The following HDAC11 variants were observed in gnomAD, a reference collection of about 807,000 sequenced individuals.
HDAC11 encodes the protein histone deacetylase 11.
A neutral mutation model predicts 41.1 loss-of-function variants in HDAC11; 23 were observed. The observed-to-expected ratio is 0.56, with a 90% confidence interval of 0.40 to 0.79. The LOEUF (loss-of-function observed/expected upper bound fraction) is 0.79. Ranked by LOEUF, HDAC11 falls within the 30% of genes least tolerant of loss-of-function variation. The pLI is 0.00. For missense variants in HDAC11, 402 were observed against 477.3 expected, an observed-to-expected ratio of 0.84 and a Z score of 1.47; for synonymous variants, 187 against 186.6, an observed-to-expected ratio of 1.00 and a Z score of -0.02.
chr3:13,501,002 G>A (rs535683038), intron 6 of HDAC11, among the ~76,000 whole-genome samples: 1 of 152,320 alleles, frequency 6.6e-6, no homozygotes, highest in East Asian at 1.9e-4. Context: ...TGCCTGTGGT[G>A]GAAGGGAGTT....
chr3:13,490,345 A>T (rs375249479), intron 3 of HDAC11, among the ~76,000 whole-genome samples: 1 of 152,114 alleles, frequency 6.6e-6, no homozygotes, highest in Non-Finnish European at 1.5e-5. Context: ...TTGAGATTCC[A>T]TGTGAATTAT....
chr3:13,494,931 C>T (rs1321021245), intron 3 of HDAC11, among the ~76,000 whole-genome samples: 2 of 152,100 alleles, frequency 1.3e-5, no homozygotes, highest in Non-Finnish European at 2.9e-5. Context: ...CCTCTTGGCC[C>T]TCTGAGGTTC....
intron 4 of HDAC11, 30 bp from the exon 5 acceptor site, chr3:13,498,483 C>T (rs750309603): frequency 2.2e-5 from 35 of 1,613,690 alleles, no homozygotes; most frequent in Admixed American, 5.0e-5. Flanking sequence ...CGGCTGCCTG[C>T]GCCCCCTCAC....
chr3:13,496,673 A>G lies in HDAC11; in HGVS notation c.253-63A>G, dbSNP rs569535783. 92 of 1,110,248 alleles carry G rather than the reference A, an allele frequency of 8.3e-5. No individual in the cohort carries two copies. In the Admixed American group the frequency reaches 1.0e-3, roughly 12 times the overall value. 68.8% of individuals were successfully genotyped at this position (1,110,248 alleles called of 1,614,324 possible). A position where few individuals can be genotyped will look rare whatever the true frequency, so the allele number is the denominator to read the frequency against. On this transcript the variant is annotated intron_variant, in intron 3 of 9. Transcript: ENST00000295757. ...CCTCAAGGCATTTCCCGGGGAACCA[A>G]TTTCTCACGGGTTGCCTCAGGGTGG...
chr3:13,483,737 A>C (rs1021167216), intron 3 of HDAC11, among the ~76,000 whole-genome samples, 173 bp downstream of exon 3: 2 of 151,940 alleles, frequency 1.3e-5, no homozygotes, highest in African/African-American at 4.8e-5. Flanking sequence ...AGAAGGAGAG[A>C]GGTCATAAAA....
At chr3:13,481,011 G>C (rs939812878) in intron 1 of HDAC11, 33 of 556,962 alleles carry the variant, frequency 5.9e-5, no homozygotes, top group African/African-American at 5.9e-4. Context: ...TCTGCTCTCT[G>C]AGCCTCTGGT....
intron 3 of HDAC11, among the ~76,000 whole-genome samples, chr3:13,486,569 G>GGGT (rs1701589600): frequency 1.4e-4 from 17 of 123,544 alleles, no homozygotes; most frequent in African/African-American, 6.0e-4. Flanking sequence ...TCATGTAGAG[G>GGGT]TGTTTTTTTT....
chr3:13,482,508 C>G (rs564546513), intron 2 of HDAC11, among the ~76,000 whole-genome samples: 2 of 152,206 alleles, frequency 1.3e-5, no homozygotes, highest in South Asian at 4.2e-4. Context: ...GGAGGCCGGG[C>G]GCAGTGGCTC....
intron 3 of HDAC11, among the ~76,000 whole-genome samples, chr3:13,492,198 C>T (rs1701896036): frequency 6.6e-6 from 1 of 152,214 alleles, no homozygotes; most frequent in East Asian, 1.9e-4. Context: ...GTGAATGTCA[C>T]CACAGGGTTG....
At chr3:13,498,645 A>C in intron 5 of HDAC11, 90 bp downstream of exon 5, 1 of 1,318,914 alleles carries the variant, frequency 7.6e-7, no homozygotes, top group South Asian at 1.2e-5. Context: ...AGGATCCTGG[A>C]GGTGGCAGCT....
intron 3 of HDAC11, among the ~76,000 whole-genome samples, chr3:13,484,978 C>G (rs982891084): frequency 6.6e-6 from 1 of 152,180 alleles, no homozygotes; most frequent in East Asian, 1.9e-4. Context: ...AGCCCTGACC[C>G]CCAGGCTCCC....
Position 13,504,448 on chromosome 3 carries a change from CCCT to C in HDAC11, c.829-15_829-13del, listed in dbSNP as rs765453256. ...ATGGGGGTCTGGCCTGCCTGAGTCA[CCCT>C]CCTCTTCCCCTAACAGGGCATCGTG... On this transcript the variant is annotated splice_polypyrimidine_tract_variant and intron_variant, in intron 9 of 9. Coordinates refer to ENST00000295757, the MANE Select transcript of HDAC11 (RefSeq NM_024827.4). 2 of 1,612,280 alleles carry C rather than the reference CCCT, an allele frequency of 1.2e-6. No individual in the cohort carries two copies. The highest frequency in any genetic ancestry group is 2.2e-5 in the South Asian group (2 of 91,068).
chr3:13,483,927 G>GTC (rs1701440046), intron 3 of HDAC11, among the ~76,000 whole-genome samples: 1 of 151,838 alleles, frequency 6.6e-6, no homozygotes, highest in Non-Finnish European at 1.5e-5. Context: ...TTTCACTTTG[G>GTC]TCTATTTTGT....
At chr3:13,486,510 C>G (rs1348325399) in intron 3 of HDAC11, among the ~76,000 whole-genome samples, 1 of 147,052 alleles carries the variant, frequency 6.8e-6, no homozygotes, top group Non-Finnish European at 1.5e-5. Flanking sequence ...GAGGGCCTCA[C>G]AGAGGAGGTG....
intron 4 of HDAC11, among the ~76,000 whole-genome samples, chr3:13,497,692 A>G (rs1375203006): frequency 2.0e-5 from 3 of 152,112 alleles, no homozygotes; most frequent in Non-Finnish European, 4.4e-5. Flanking sequence ...ATGTATGAGG[A>G]TCTAACCCAG....
chr3:13,496,801 G>C lies in HDAC11; in HGVS notation c.318G>C (p.Val106=), dbSNP rs1180639038. 2 of 1,604,092 alleles carry C rather than the reference G, an allele frequency of 1.2e-6. No individual in the cohort carries two copies. Among genetic ancestry groups the C allele is most frequent in the Admixed American group, 1.7e-5 (1 of 59,212 alleles). The change falls in exon 4 of 10, where the codon GTG becomes GTC. Residue 106 remains valine, a synonymous_variant. Coordinates refer to ENST00000295757, the MANE Select transcript of HDAC11 (RefSeq NM_024827.4). ...TTATCTTCCTCCCCAACTTCCTTGT[G>C]CAGAGGAAGGTGCTGAGGCCCCTTC... ...PPVIFLPNFL[V]QRKVLRPLRT...
chr3:13,502,469 C>G lies in HDAC11; in HGVS notation c.553-415C>G, dbSNP rs1702416443. The G allele has an allele frequency of 5.2e-6, 1 of 191,276 alleles. No homozygotes were observed. Among genetic ancestry groups the G allele is most frequent in the African/African-American group, 2.3e-5 (1 of 42,594 alleles). 11.8% of individuals were successfully genotyped at this position (191,276 alleles called of 1,614,324 possible). ...GGACCCAGTGGGCTCCGGAAGGCACCCCCCTGCACCATTACTGCTGTGGCT... is the reference window on the plus strand; with the variant it reads ...GGACCCAGTGGGCTCCGGAAGGCACGCCCCTGCACCATTACTGCTGTGGCT... On this transcript the variant is annotated intron_variant, in intron 7 of 9. Coordinates refer to ENST00000295757, the MANE Select transcript of HDAC11 (RefSeq NM_024827.4). This position sits in a 1 kb window ranked among gnomAD's most constrained non-coding sequence, Gnocchi z 4.1.
intron 4 of HDAC11, among the ~76,000 whole-genome samples, 163 bp from the exon 5 acceptor site, chr3:13,498,350 C>G (rs75944917): frequency 0.15 from 23,266 of 152,170 alleles, 2,209 homozygotes; most frequent in African/African-American, 0.27. Flanking sequence ...TGGACTGTTG[C>G]TTGGGGTAGG....
intron 3 of HDAC11, among the ~76,000 whole-genome samples, chr3:13,493,367 G>A (rs566323459): frequency 6.6e-6 from 1 of 152,150 alleles, no homozygotes; most frequent in Non-Finnish European, 1.5e-5. Flanking sequence ...CACCCACTCT[G>A]TTTATTTCTC....
Sources: allele counts gnomAD v4.1 joint callset (sites outside exome capture counted in the v4.1 genomes callset), GRCh38; gene constraint gnomAD v4.1.1; non-coding constraint Gnocchi (gnomAD v3.1); transcripts MANE v1.5; gene names NCBI Gene and HGNC (gene_info 2026-07-23, HGNC 2026-07-21).